Variants in KIF3B observed in about 807,000 individuals in gnomAD.
KIF3B encodes the protein kinesin family member 3B, also known as kinesin-like protein KIF3B.
Under a neutral mutation model 74.3 loss-of-function variants are expected in KIF3B, and 38 were observed. The ratio of observed to expected loss-of-function variants is 0.51; its 90% CI spans 0.39 to 0.67. The LOEUF is 0.67. KIF3B is among the 30% of genes least tolerant of loss of function. The pLI is 0.00. For synonymous variants in KIF3B, 326 were observed against 342.5 expected, an observed-to-expected ratio of 0.95 and a Z score of 0.53; for missense variants, 649 against 932.0, an observed-to-expected ratio of 0.70 and a Z score of 3.95.
At chr20:32,287,148 T>C (rs1291746081) in intron 1 of KIF3B, among the ~76,000 whole-genome samples, 1 of 152,164 alleles carries the variant, frequency 6.6e-6, no homozygotes, top group Non-Finnish European at 1.5e-5. Flanking sequence ...TAACCATTTT[T>C]CCATATTTTT....
At position 32,295,345 on chromosome 20, in the gene KIF3B, T is replaced by C. The variant is rs556388242; in HGVS notation, c.-65-14368T>C. 2.6e-5 allele frequency among the ~76,000 whole-genome samples: 4 copies of C among 151,490 alleles called. No homozygotes were observed. In the East Asian group the frequency reaches 7.8e-4, roughly 29 times the overall value. On this transcript the variant is annotated intron_variant, in intron 1 of 8. Coordinates refer to ENST00000375712, the MANE Select transcript of KIF3B (RefSeq NM_004798.4). ...TCTCGCTCTGTCGCCCAGGCTGGAGTGCAGTGGTGCGATCTCAGCTCACTG... is the reference window on the plus strand; with the variant it reads ...TCTCGCTCTGTCGCCCAGGCTGGAGCGCAGTGGTGCGATCTCAGCTCACTG...
chr20:32,330,213 G>A lies in KIF3B; in HGVS notation c.2041G>A (p.Ala681Thr), dbSNP rs1219233586. 1 of 1,614,094 alleles carries A rather than the reference G, an allele frequency of 6.2e-7. No homozygotes were observed. Among genetic ancestry groups the A allele is most frequent in the Admixed American group, 1.7e-5 (1 of 60,002 alleles). ...TTRDYEGPAI[A>T]PKVQAALDAA... ...CAGAGACTATGAGGGTCCAGCCATT[G>A]CCCCCAAGGTCCAGGCTGCATTGGA... Residue 681 changes from alanine to threonine, a missense_variant, in exon 8 of 9, where the codon GCC becomes ACC. Coordinates refer to ENST00000375712, the MANE Select transcript of KIF3B (RefSeq NM_004798.4).
At chr20:32,307,618 G>T (rs1290513909) in intron 1 of KIF3B, among the ~76,000 whole-genome samples, 2 of 152,138 alleles carry the variant, frequency 1.3e-5, no homozygotes, top group Non-Finnish European at 2.9e-5. Context: ...AGAGGTTGTA[G>T]TATTTCAACA....
At chr20:32,308,387 C>G (rs2047782933) in intron 1 of KIF3B, among the ~76,000 whole-genome samples, 1 of 152,134 alleles carries the variant, frequency 6.6e-6, no homozygotes, top group Non-Finnish European at 1.5e-5. Context: ...CCACCCCTGG[C>G]TAATTTTTAT....
rs371098845 is a variant in KIF3B at position 32,325,060 on chromosome 20, T to C, written c.1749-1711T>C. 7.8e-4 allele frequency among the ~76,000 whole-genome samples: 119 copies of C among 152,254 alleles called. 1 individual carries two copies. Among genetic ancestry groups the C allele is most frequent in the African/African-American group, 2.7e-3 (113 of 41,542 alleles). On this transcript the variant is annotated intron_variant, in intron 5 of 8. Transcript: ENST00000375712. ...AAAACTAATTAATTAATTAAATGTG[T>C]GTGTCGGTCAGTCCTCTTTGCAGGT...
intron 1 of KIF3B, among the ~76,000 whole-genome samples, chr20:32,285,826 GCAGT>G (rs1435505076): frequency 6.6e-6 from 1 of 152,128 alleles, no homozygotes; most frequent in Non-Finnish European, 1.5e-5. Context: ...GTATTTCTTG[GCAGT>G]CAGAGAGCAT....
chr20:32,286,998 G>C (rs1384516283), intron 1 of KIF3B, among the ~76,000 whole-genome samples: 1 of 152,138 alleles, frequency 6.6e-6, no homozygotes, highest in Non-Finnish European at 1.5e-5. Flanking sequence ...TTACAATTTG[G>C]TTGGGGAATT....
At chr20:32,326,154 C>CT (rs1440137818) in intron 5 of KIF3B, among the ~76,000 whole-genome samples, 1 of 152,032 alleles carries the variant, frequency 6.6e-6, no homozygotes, top group Non-Finnish European at 1.5e-5. Context: ...AGAGAGACAC[C>CT]ACCAGTGGGT....
At chr20:32,327,733 A>G (rs774021668) in intron 7 of KIF3B, 72 bp downstream of exon 7, 37 of 1,092,640 alleles carry the variant, frequency 3.4e-5, no homozygotes, top group Non-Finnish European at 4.8e-5. Flanking sequence ...CTTAGATACT[A>G]TTCCACTCAG....
chr20:32,319,200 G>T (rs751804441), intron 5 of KIF3B, among the ~76,000 whole-genome samples: 3 of 151,768 alleles, frequency 2.0e-5, no homozygotes, highest in Non-Finnish European at 4.4e-5. Flanking sequence ...GGCTCAAGCA[G>T]TCTGCCCGAC....
At chr20:32,317,592 T>C (rs1026882010) in intron 5 of KIF3B, among the ~76,000 whole-genome samples, 6 of 151,964 alleles carry the variant, frequency 3.9e-5, no homozygotes, top group African/African-American at 1.4e-4. Flanking sequence ...CTTAACCTCA[T>C]GTTATCTCAC....
In KIF3B at chr20:32,311,059, A is replaced by G; in HGVS notation, c.1282A>G (p.Ile428Val). 4.3e-6 allele frequency: 7 copies of G among 1,613,748 alleles called. No individual in the cohort carries two copies. Among genetic ancestry groups the G allele is most frequent in the Non-Finnish European group, 5.9e-6 (7 of 1,179,928 alleles). ...AAAACTGGAGATTGAGAAGCGGGCC[A>G]TTGTAGAGGATCACAGCTTGGTTGC... ...QEKLEIEKRA[I>V]VEDHSLVAEE... Residue 428 changes from isoleucine to valine, a missense_variant, in exon 2 of 9, where the codon ATT becomes GTT. Physicochemically the swap from Ile to Val is conservative, Grantham distance 29 (BLOSUM62 3). Transcript: ENST00000375712.
In KIF3B at chr20:32,316,228, GT is replaced by G; in HGVS notation, c.1416del (p.Ser472ArgfsTer10). On this transcript the variant is annotated frameshift_variant, in exon 3 of 9. Coordinates refer to ENST00000375712, the MANE Select transcript of KIF3B (RefSeq NM_004798.4). LOFTEE classifies it high-confidence loss of function. ...MLGAKIKAMESKLLVGGKNIV... is the reference protein window; with the variant it reads ...MLGAKIKAMEXKLLVGGKNIV... ...TTGTTTCTCACTCAGGCCATGGAGA[GT>G]AAGTTGCTTGTTGGAGGAAAAAATA... 1 of 1,595,092 alleles carries G rather than the reference GT, an allele frequency of 6.3e-7. No homozygotes were observed. The highest frequency in any genetic ancestry group is 8.6e-7 in the Non-Finnish European group (1 of 1,162,736).
In KIF3B at chr20:32,322,724, T is replaced by TA. The variant is rs2122709134; in HGVS notation, c.1749-4047_1749-4046insA. Reference sequence around the variant, plus strand: ...TTTATATATTTATATATATTTATATTTATTTATTTATATATATTTATTTAT... The same window carrying TA: ...TTTATATATTTATATATATTTATATTATATTTATTTATATATATTTATTTAT... On this transcript the variant is annotated intron_variant, in intron 5 of 8. Coordinates refer to ENST00000375712, the MANE Select transcript of KIF3B (RefSeq NM_004798.4). 4.6e-3 allele frequency among the ~76,000 whole-genome samples: 171 copies of TA among 37,316 alleles called. 25 individuals carry two copies. The highest frequency in any genetic ancestry group is 0.03 in the East Asian group (5 of 166). The allele number at this position is 37,316 out of a possible 152,430, so 24.5% of individuals were successfully genotyped here. A position where few individuals can be genotyped will look rare whatever the true frequency, so the allele number is the denominator to read the frequency against.
Position 32,309,936 on chromosome 20 carries a change from G to A in KIF3B, c.159G>A (p.Met53Ile), listed in dbSNP as rs1372507147. 3 of 1,614,164 alleles carry A rather than the reference G, an allele frequency of 1.9e-6. No individual in the cohort carries two copies. The highest frequency in any genetic ancestry group is 1.7e-5 in the Admixed American group (1 of 60,018). Residue 53 changes from methionine to isoleucine, a missense_variant, in exon 2 of 9, where the codon ATG becomes ATA. By Grantham distance (10) the Met-to-Ile change is conservative. This residue lies in a region of KIF3B where 96 missense variants were observed against 119.0 expected (regional missense o/e 0.81). Transcript: ENST00000375712. ...ACCCCAAAGGGACGGCCCATGAAATGCCCAAGACCTTCACCTTTGATGCCG... is the reference window on the plus strand; with the variant it reads ...ACCCCAAAGGGACGGCCCATGAAATACCCAAGACCTTCACCTTTGATGCCG... ...VKNPKGTAHEMPKTFTFDAVY... is the reference protein window; with the variant it reads ...VKNPKGTAHEIPKTFTFDAVY...
intron 1 of KIF3B, among the ~76,000 whole-genome samples, chr20:32,293,493 C>A (rs1215222200): frequency 6.6e-6 from 1 of 151,628 alleles, no homozygotes. Context: ...ACCTGTAGTC[C>A]CAGCTACTGA....
At position 32,316,318 on chromosome 20, in the gene KIF3B, A is replaced by G; in HGVS notation, c.1505A>G (p.Gln502Arg). The change falls in exon 3 of 9, where the codon CAG becomes CGG. Residue 502 changes from glutamine (Q) to arginine (R), a missense_variant and splice_region_variant. Transcript: ENST00000375712. Reference sequence around the variant, plus strand: ...CAGAAACGACAGGAAATTGCAGAGCAGGTAACTTTTCATTCTTTTTCAGGG... The same window carrying G: ...CAGAAACGACAGGAAATTGCAGAGCGGGTAACTTTTCATTCTTTTTCAGGG... ...LEQKRQEIAEQKRREREIQQQ... is the reference protein window; with the variant it reads ...LEQKRQEIAERKRREREIQQQ... 6.2e-7 allele frequency: 1 copy of G among 1,608,514 alleles called. No homozygotes were observed. Among genetic ancestry groups the G allele is most frequent in the East Asian group, 2.2e-5 (1 of 44,864 alleles).
intron 2 of KIF3B, among the ~76,000 whole-genome samples, chr20:32,313,457 T>A (rs993411022): frequency 1.3e-5 from 2 of 152,224 alleles, no homozygotes; most frequent in African/African-American, 4.8e-5. Flanking sequence ...TTTTGTTTGT[T>A]TGTTTTAATC....
Position 32,320,929 on chromosome 20 carries a change from T to G in KIF3B, c.1748+4055T>G, listed in dbSNP as rs1165292144. 1.3e-5 allele frequency among the ~76,000 whole-genome samples: 2 copies of G among 152,132 alleles called. 1 individual carries two copies. The highest frequency in any genetic ancestry group is 4.1e-4 in the South Asian group (2 of 4,828). On this transcript the variant is annotated intron_variant, in intron 5 of 8. Transcript: ENST00000375712. ...TGAACATTCATATTCAAGTTTCTTTTGTGGACGCATGTTTCATTCTCTTAG... is the reference window on the plus strand; with the variant it reads ...TGAACATTCATATTCAAGTTTCTTTGGTGGACGCATGTTTCATTCTCTTAG...
Sources: allele counts gnomAD v4.1 joint callset (sites outside exome capture counted in the v4.1 genomes callset), GRCh38; gene constraint gnomAD v4.1.1; regional missense constraint gnomAD v4.1.1; transcripts MANE v1.5; gene names NCBI Gene and HGNC (gene_info 2026-07-23, HGNC 2026-07-21).